The following OLFM2 variants were observed in gnomAD, a reference collection of about 807,000 sequenced individuals.
OLFM2 encodes the protein olfactomedin 2, also known as noelin-2.
Under a neutral mutation model 43.9 loss-of-function variants are expected in OLFM2, and 20 were observed. The observed-to-expected ratio is 0.46, with a 90% CI of 0.32 to 0.66. The LOEUF (loss-of-function observed/expected upper bound fraction) is 0.66. Ranked by LOEUF, OLFM2 falls within the 30% of genes least tolerant of loss-of-function variation. The probability of loss-of-function intolerance (pLI) is 0.04; values close to 1 mark genes in which losing one functional copy is unlikely to be tolerated. For missense variants in OLFM2, 416 were observed against 643.6 expected (o/e 0.65, Z 3.83); for synonymous variants, 268 against 278.6 (o/e 0.96, Z 0.38).
chr19:9,911,880 T>C (rs1483377379), intron 1 of OLFM2, among the ~76,000 whole-genome samples: 1 of 152,212 alleles, frequency 6.6e-6, no homozygotes, highest in Non-Finnish European at 1.5e-5. Context: ...GCAAGAAGCC[T>C]GTATCATACT....
chr19:9,862,992 A>AG (rs1164518263), intron 1 of OLFM2, among the ~76,000 whole-genome samples: 1 of 150,796 alleles, frequency 6.6e-6, no homozygotes, highest in East Asian at 1.9e-4. Flanking sequence ...CTGTCTCAAA[A>AG]AAAAAAAAAA....
intron 5 of OLFM2, among the ~76,000 whole-genome samples, chr19:9,855,681 C>A (rs1490523590): frequency 6.6e-6 from 1 of 152,064 alleles, no homozygotes; most frequent in Non-Finnish European, 1.5e-5. Flanking sequence ...ACTACAGGCA[C>A]AAGTCACCAC....
chr19:9,924,550 C>T (rs996347123), intron 1 of OLFM2, among the ~76,000 whole-genome samples: 3 of 152,156 alleles, frequency 2.0e-5, no homozygotes, highest in Non-Finnish European at 4.4e-5. Flanking sequence ...TGAGCCATTG[C>T]TCCCGGCCTG....
At chr19:9,894,823 C>G (rs988565401) in intron 1 of OLFM2, among the ~76,000 whole-genome samples, 3 of 152,158 alleles carry the variant, frequency 2.0e-5, no homozygotes, top group African/African-American at 7.2e-5. Context: ...TCTAAGGAGT[C>G]TGACCCTTAC....
chr19:9,891,362 C>T (rs575223650), intron 1 of OLFM2, among the ~76,000 whole-genome samples: 378 of 147,722 alleles, frequency 2.6e-3, no homozygotes, highest in South Asian at 9.0e-3. Context: ...CAGTGGCTCA[C>T]ATCTGTAATC....
At chr19:9,929,987 C>T (rs983537326) in intron 1 of OLFM2, among the ~76,000 whole-genome samples, 1 of 151,964 alleles carries the variant, frequency 6.6e-6, no homozygotes, top group African/African-American at 2.4e-5. Context: ...TGCGGTGAGC[C>T]GAGATCGCGC....
chr19:9,924,070 A>C (rs1440310706), intron 1 of OLFM2, among the ~76,000 whole-genome samples: 1 of 137,316 alleles, frequency 7.3e-6, no homozygotes. Context: ...ACTGCATTTC[A>C]GCCTGGGCAA....
chr19:9,904,746 A>G (rs1371999024), intron 1 of OLFM2, among the ~76,000 whole-genome samples: 1 of 151,808 alleles, frequency 6.6e-6, no homozygotes, highest in African/African-American at 2.4e-5. Flanking sequence ...CTGGCCAGGC[A>G]TGGTGGCTCA....
intron 1 of OLFM2, among the ~76,000 whole-genome samples, chr19:9,862,023 GAAAAA>G (rs3075649): frequency 0.74 from 89,147 of 120,406 alleles, 31,740 homozygotes; most frequent in Admixed American, 0.81. Context: ...CCGTCTCAAA[GAAAAA>G]AAAAAAAAAA....
intron 1 of OLFM2, among the ~76,000 whole-genome samples, chr19:9,877,727 T>C (rs1199482781): frequency 6.6e-6 from 1 of 152,166 alleles, no homozygotes; most frequent in African/African-American, 2.4e-5. Context: ...CAATTTCCTC[T>C]CTCTGTGTCA....
chr19:9,897,019 C>T (rs1008958670), intron 1 of OLFM2, among the ~76,000 whole-genome samples: 33 of 152,168 alleles, frequency 2.2e-4, no homozygotes, highest in Admixed American at 2.0e-3. Context: ...TAGCGAGACC[C>T]TGTCTCTACA....
At chr19:9,907,300 C>T (rs149556591) in intron 1 of OLFM2, among the ~76,000 whole-genome samples, 4 of 152,078 alleles carry the variant, frequency 2.6e-5, no homozygotes, top group South Asian at 2.1e-4. Context: ...ACTAAAAATA[C>T]AAAAATTAGC....
intron 1 of OLFM2, among the ~76,000 whole-genome samples, chr19:9,883,137 G>A (rs890309974): frequency 6.6e-6 from 1 of 151,690 alleles, no homozygotes; most frequent in African/African-American, 2.4e-5. Flanking sequence ...TTGAATCCGG[G>A]GGTGGAGGTT....
chr19:9,901,026 GGAAGGAAGC>G (rs2046732131), intron 1 of OLFM2, among the ~76,000 whole-genome samples: 1 of 55,072 alleles, frequency 1.8e-5, no homozygotes, highest in East Asian at 7.4e-4. Flanking sequence ...AGGAAGGGAG[GGAAGGAAGC>G]GGGGAGGGAG....
chr19:9,919,247 A>ATCT (rs2086404758), intron 1 of OLFM2, among the ~76,000 whole-genome samples: 1 of 151,186 alleles, frequency 6.6e-6, no homozygotes, highest in South Asian at 2.1e-4. Flanking sequence ...GCTCACTGCA[A>ATCT]GTTCCGCTTC....
At chr19:9,877,678 C>G (rs111783117) in intron 1 of OLFM2, among the ~76,000 whole-genome samples, 2,040 of 152,204 alleles carry the variant, frequency 0.013, 14 homozygotes, top group Non-Finnish European at 0.02. Context: ...GGTTAGTTAT[C>G]ATGGCAGTGG....
At chr19:9,867,203 T>C (rs2046408559) in intron 1 of OLFM2, among the ~76,000 whole-genome samples, 1 of 152,070 alleles carries the variant, frequency 6.6e-6, no homozygotes, top group South Asian at 2.1e-4. Context: ...AAACCCCATC[T>C]CTACTAAAAA....
At chr19:9,931,492 G>C (rs1003569901) in intron 1 of OLFM2, among the ~76,000 whole-genome samples, 1 of 152,064 alleles carries the variant, frequency 6.6e-6, no homozygotes, top group Non-Finnish European at 1.5e-5. Context: ...CAAGATGTCA[G>C]GAGTTCGAGA....
At chr19:9,876,852 T>C (rs1050290986) in intron 1 of OLFM2, among the ~76,000 whole-genome samples, 10 of 152,226 alleles carry the variant, frequency 6.6e-5, no homozygotes, top group African/African-American at 1.7e-4. Flanking sequence ...GCAAAATTCA[T>C]GTGTTGGAAA....
Sources: allele counts gnomAD v4.1 joint callset (sites outside exome capture counted in the v4.1 genomes callset), GRCh38; gene constraint gnomAD v4.1.1; transcripts MANE v1.5; gene names NCBI Gene and HGNC (gene_info 2026-07-23, HGNC 2026-07-21).